HHAT: variants seen among roughly 807,000 people sequenced by gnomAD.
HHAT encodes the protein protein-cysteine N-palmitoyltransferase HHAT.
In HHAT, 47 loss-of-function variants were observed where a neutral mutation model predicts 70.8. The observed-to-expected ratio is 0.66, with a 90% CI of 0.53 to 0.85. The LOEUF is 0.85. Ranked by LOEUF, HHAT falls within the 40% of genes least tolerant of loss-of-function variation. The pLI, the probability that HHAT is intolerant of heterozygous loss-of-function variation, is 0.00. For missense variants in HHAT, 609 were observed against 604.8 expected (o/e 1.01, Z -0.07); for synonymous variants, 228 against 247.6 (o/e 0.92, Z 0.74).
Position 210,334,177 on chromosome 1 carries a change from C to CTTTTTTT in HHAT, c.-44+5073_-44+5074insTTTTTTT, listed in dbSNP as rs1342123521. On this transcript the variant is annotated intron_variant, in intron 1 of 11. Coordinates refer to ENST00000261458, the MANE Select transcript of HHAT (RefSeq NM_018194.6). The stretch of plus-strand genomic sequence containing the variant: ...GTACTTGCTGGCCACTTTAGCGTGT[C>CTTTTTTT]ATTTTTTTTTTTTTTTTTTTTGAGA... Among the ~76,000 whole-genome samples the CTTTTTTT allele has an allele frequency of 4.9e-4, 17 of 34,548 alleles. 1 individual carries two copies. Among genetic ancestry groups the CTTTTTTT allele is most frequent in the African/African-American group, 2.1e-3 (13 of 6,072 alleles). 22.7% of individuals were successfully genotyped at this position (34,548 alleles called of 152,430 possible).
At chr1:210,662,731 C>G (rs574745622) in intron 11 of HHAT, among the ~76,000 whole-genome samples, 1 of 152,056 alleles carries the variant, frequency 6.6e-6, no homozygotes, top group South Asian at 2.1e-4. Flanking sequence ...GGCTAGTTCT[C>G]CTCCCCACTC....
chr1:210,396,449 G>T lies in HHAT; in HGVS notation c.274-4019G>T, dbSNP rs1331947763. On this transcript the variant is annotated intron_variant, in intron 4 of 11. Coordinates refer to ENST00000261458, the MANE Select transcript of HHAT (RefSeq NM_018194.6). ...AACATAGTAACAGCACCAAATGCTG[G>T]CAAGGATGTGAATAAACTGGATCAC... Among the ~76,000 whole-genome samples the T allele has an allele frequency of 2.0e-5, 3 of 152,210 alleles. No homozygotes were observed. In the East Asian group the frequency reaches 5.8e-4, roughly 29 times the overall value.
At chr1:210,352,866 C>T (rs539671608) in intron 2 of HHAT, among the ~76,000 whole-genome samples, 44 of 152,028 alleles carry the variant, frequency 2.9e-4, no homozygotes, top group Admixed American at 5.9e-4. Flanking sequence ...TGTGGCTAAT[C>T]CACAGCTGTT....
intron 3 of HHAT, among the ~76,000 whole-genome samples, chr1:210,380,103 G>A (rs1210474557): frequency 1.3e-5 from 2 of 152,294 alleles, no homozygotes; most frequent in South Asian, 2.1e-4. Context: ...TTGACTCATT[G>A]TATAATCATT....
At chr1:210,588,237 G>C in intron 10 of HHAT, 138 bp downstream of exon 10, 1 of 661,816 alleles carries the variant, frequency 1.5e-6, no homozygotes, top group Non-Finnish European at 2.6e-6. Context: ...TATGCCTAGA[G>C]GCAAGACAGC....
intron 8 of HHAT, among the ~76,000 whole-genome samples, chr1:210,488,329 C>A (rs951804655): frequency 6.6e-6 from 1 of 152,158 alleles, no homozygotes; most frequent in African/African-American, 2.4e-5. Context: ...ACTGACATCC[C>A]CACTCACCCC....
intron 11 of HHAT, among the ~76,000 whole-genome samples, chr1:210,650,137 G>A (rs978435629): frequency 8.5e-5 from 13 of 152,190 alleles, no homozygotes; most frequent in African/African-American, 3.1e-4. Flanking sequence ...CAAGTTTGCT[G>A]CTTGAGATTT....
At chr1:210,513,421 C>A (rs375772238) in intron 9 of HHAT, among the ~76,000 whole-genome samples, 13 of 152,170 alleles carry the variant, frequency 8.5e-5, no homozygotes, top group South Asian at 4.1e-4. Flanking sequence ...TACCTAAGAT[C>A]TTGACAAGTA....
chr1:210,667,783 C>CA (rs1263076995), intron 11 of HHAT, among the ~76,000 whole-genome samples: 1 of 152,040 alleles, frequency 6.6e-6, no homozygotes, highest in African/African-American at 2.4e-5. Flanking sequence ...ATTATTTTGC[C>CA]AAGGGCTTCT....
intron 7 of HHAT, among the ~76,000 whole-genome samples, chr1:210,434,216 G>A (rs1335047392): frequency 2.0e-5 from 3 of 151,942 alleles, no homozygotes; most frequent in Non-Finnish European, 4.4e-5. Context: ...TTTGGTCATG[G>A]TTGCCACTGT....
At chr1:210,384,811 G>A (rs1287444455) in intron 3 of HHAT, among the ~76,000 whole-genome samples, 2 of 152,188 alleles carry the variant, frequency 1.3e-5, no homozygotes, top group African/African-American at 4.8e-5. Context: ...GTGTGACTGA[G>A]CTCAGAGTCT....
intron 9 of HHAT, among the ~76,000 whole-genome samples, chr1:210,575,438 C>T (rs987387403): frequency 6.8e-6 from 1 of 147,034 alleles, no homozygotes; most frequent in Non-Finnish European, 1.5e-5. Flanking sequence ...GTCTCCTTTG[C>T]CCAAACCTCC....
intron 11 of HHAT, among the ~76,000 whole-genome samples, chr1:210,628,748 G>A (rs2148885718): frequency 6.6e-6 from 1 of 152,250 alleles, no homozygotes; most frequent in East Asian, 1.9e-4. Flanking sequence ...CAGTTTATTT[G>A]TCTCCTAACT....
chr1:210,485,580 A>G (rs866151308), intron 8 of HHAT, among the ~76,000 whole-genome samples: 1 of 152,146 alleles, frequency 6.6e-6, no homozygotes. Flanking sequence ...TGGGTAAATT[A>G]TAAAGAAAAA....
chr1:210,533,574 G>A (rs1198575404), intron 9 of HHAT, among the ~76,000 whole-genome samples: 2 of 152,186 alleles, frequency 1.3e-5, no homozygotes, highest in Admixed American at 6.5e-5. Context: ...CTTTCTGTCT[G>A]TAAGAGCTTC....
intron 9 of HHAT, among the ~76,000 whole-genome samples, chr1:210,514,431 A>G (rs534792593): frequency 8.5e-5 from 13 of 152,318 alleles, no homozygotes; most frequent in Non-Finnish European, 1.9e-4. Context: ...ATTTGAACTG[A>G]TCAGAAGAAT....
intron 2 of HHAT, among the ~76,000 whole-genome samples, chr1:210,350,387 T>C (rs1029470326): frequency 2.1e-4 from 32 of 152,334 alleles, no homozygotes; most frequent in Admixed American, 1.1e-3. Context: ...CTTGACAATA[T>C]TGAGTCTTCC....
chr1:210,559,883 T>C (rs2095605820), intron 9 of HHAT, among the ~76,000 whole-genome samples: 1 of 152,194 alleles, frequency 6.6e-6, no homozygotes, highest in African/African-American at 2.4e-5. Context: ...ATTATGGCAA[T>C]TCCTTCCCAA....
chr1:210,554,343 G>A (rs983881574), intron 9 of HHAT, among the ~76,000 whole-genome samples: 1 of 152,160 alleles, frequency 6.6e-6, no homozygotes, highest in African/African-American at 2.4e-5. Flanking sequence ...ACCTCAGTTT[G>A]CTGCTTTGTC....
Sources: gnomAD v4.1 joint callset for allele counts (sites outside exome capture counted in the v4.1 genomes callset) on GRCh38, gnomAD v4.1.1 for gene constraint, MANE v1.5 for transcripts, NCBI Gene and HGNC (gene_info 2026-07-23, HGNC 2026-07-21) for gene names.